CNNM2: variants seen among roughly 807,000 people sequenced by gnomAD.
The protein encoded by CNNM2 is cyclin and CBS domain divalent metal cation transport mediator 2.
In CNNM2, 12 loss-of-function variants were observed where a neutral mutation model predicts 66.9. The observed-to-expected ratio is 0.18, with a 90% CI of 0.11 to 0.29. The LOEUF (loss-of-function observed/expected upper bound fraction) is 0.29, where lower values mean the gene tolerates loss of function less well. Ranked by LOEUF, CNNM2 falls within the 10% of genes least tolerant of loss-of-function variation. The pLI, the probability that CNNM2 is intolerant of heterozygous loss-of-function variation, is 1.00. For synonymous variants in CNNM2, 557 were observed against 501.8 expected, an observed-to-expected ratio of 1.11 and a Z score of -1.47; for missense variants, 705 against 1,167.7, an observed-to-expected ratio of 0.60 and a Z score of 5.77.
intron 1 of CNNM2, among the ~76,000 whole-genome samples, chr10:102,988,820 A>G (rs1394037685): frequency 6.6e-6 from 1 of 152,194 alleles, no homozygotes; most frequent in Non-Finnish European, 1.5e-5. Flanking sequence ...TGCTTTGATC[A>G]ATAAGTTTGT....
chr10:103,068,836 ACTT>A, intron 5 of CNNM2, 114 bp downstream of exon 5: 1 of 795,832 alleles, frequency 1.3e-6, no homozygotes, highest in Admixed American at 2.9e-5. Flanking sequence ...TCCTTTTTGA[ACTT>A]TTTTTTTGAA....
At chr10:103,031,860 A>C (rs1467573253) in intron 1 of CNNM2, among the ~76,000 whole-genome samples, 1 of 152,076 alleles carries the variant, frequency 6.6e-6, no homozygotes. Context: ...GAGGGGATTT[A>C]TCCCGTTGAT....
intron 1 of CNNM2, among the ~76,000 whole-genome samples, chr10:102,924,475 G>A (rs1845776208): frequency 6.6e-6 from 1 of 152,152 alleles, no homozygotes; most frequent in Non-Finnish European, 1.5e-5. Flanking sequence ...AGGAAAGAAT[G>A]CACTGTACAG....
chr10:103,064,435 C>T (rs780377566), intron 4 of CNNM2, among the ~76,000 whole-genome samples: 5 of 152,194 alleles, frequency 3.3e-5, no homozygotes, highest in Admixed American at 6.5e-5. Context: ...ACTATTTCGC[C>T]CAGGCTAGTC....
At chr10:103,032,024 C>T (rs575347653) in intron 1 of CNNM2, among the ~76,000 whole-genome samples, 1 of 152,348 alleles carries the variant, frequency 6.6e-6, no homozygotes, top group Admixed American at 6.5e-5. Flanking sequence ...GAACTAGTCA[C>T]TGCGGCAGTG....
Position 103,085,994 on chromosome 10 carries a change from C to T in CNNM2, c.*8814C>T, listed in dbSNP as rs1054376377. ...TGCTGTTTCTAGATACCTAGCAGCG[C>T]GAGAACTGTGTGACGTGCTGCGTTC... is the stretch of plus-strand genomic sequence containing the variant. On this transcript the variant is annotated 3_prime_UTR_variant, in exon 8 of 8. Transcript: ENST00000369878. 2 of 152,418 alleles carry T rather than the reference C, an allele frequency of 1.3e-5. No homozygotes were observed. Among genetic ancestry groups the T allele is most frequent in the South Asian group, 2.1e-4 (1 of 4,832 alleles). 9.4% of individuals were successfully genotyped at this position (152,418 alleles called of 1,614,324 possible). A position where few individuals can be genotyped will look rare whatever the true frequency, so the allele number is the denominator to read the frequency against.
intron 1 of CNNM2, among the ~76,000 whole-genome samples, chr10:103,015,027 A>C (rs1286479874): frequency 1.3e-5 from 2 of 152,256 alleles, no homozygotes; most frequent in Non-Finnish European, 2.9e-5. Context: ...TTAATAAGTC[A>C]AATAGTCTCT....
intron 1 of CNNM2, among the ~76,000 whole-genome samples, chr10:103,039,024 G>A (rs1051704733): frequency 6.6e-6 from 1 of 151,962 alleles, no homozygotes; most frequent in Non-Finnish European, 1.5e-5. Context: ...GATACACACA[G>A]TTTGTTTTTA....
At position 103,088,945 on chromosome 10, in the gene CNNM2, C is replaced by G. The variant is rs941052167; in HGVS notation, c.*11765C>G. The G allele has an allele frequency of 9.5e-6, 2 of 211,526 alleles. No homozygotes were observed. The highest frequency in any genetic ancestry group is 9.6e-6 in the Non-Finnish European group (1 of 104,266). 13.1% of individuals were successfully genotyped at this position (211,526 alleles called of 1,614,324 possible). ...GGCTTGTTCCTTTGTCCACTTGCAG[C>G]TAAATTCTTTCTATAGATTTATCAC... On this transcript the variant is annotated 3_prime_UTR_variant, in exon 8 of 8. Transcript: ENST00000369878.
At chr10:103,035,122 A>G (rs983877734) in intron 1 of CNNM2, among the ~76,000 whole-genome samples, 1 of 152,132 alleles carries the variant, frequency 6.6e-6, no homozygotes, top group Non-Finnish European at 1.5e-5. Flanking sequence ...GTGTCTTGAA[A>G]AATAAAAAAT....
chr10:103,070,682 T>A (rs2065563159), intron 5 of CNNM2, among the ~76,000 whole-genome samples: 1 of 152,240 alleles, frequency 6.6e-6, no homozygotes, highest in African/African-American at 2.4e-5. Flanking sequence ...CCTCTGAGTC[T>A]GGAACTGCTA....
intron 1 of CNNM2, among the ~76,000 whole-genome samples, chr10:102,991,127 C>T (rs989754631): frequency 5.3e-5 from 8 of 152,166 alleles, no homozygotes; most frequent in Non-Finnish European, 8.8e-5. Context: ...GCTGGGATTA[C>T]AGGCGTGTGC....
At chr10:103,014,973 C>T (rs1347428864) in intron 1 of CNNM2, among the ~76,000 whole-genome samples, 1 of 152,082 alleles carries the variant, frequency 6.6e-6, no homozygotes, top group East Asian at 1.9e-4. Flanking sequence ...TATCTGATAT[C>T]CCCAGGCACT....
Position 103,022,261 on chromosome 10 carries a change from C to T in CNNM2, c.1622-27446C>T, listed in dbSNP as rs1293449767. On this transcript the variant is annotated intron_variant, in intron 1 of 7. Coordinates refer to ENST00000369878, the MANE Select transcript of CNNM2 (RefSeq NM_017649.5). ...AATAGAAGGTTCTTAGTAAGTTAGTCATTATTTCATATGCCAAGCATTGTG... is the reference window on the plus strand; with the variant it reads ...AATAGAAGGTTCTTAGTAAGTTAGTTATTATTTCATATGCCAAGCATTGTG... 2.0e-5 allele frequency among the ~76,000 whole-genome samples: 3 copies of T among 152,162 alleles called. No individual in the cohort carries two copies. In the East Asian group the frequency reaches 5.8e-4, roughly 29 times the overall value.
rs1429914172 is a variant in CNNM2, at chr10:103,084,318, C to G, written c.*7138C>G. 1 of 152,190 alleles carries G rather than the reference C, an allele frequency of 6.6e-6. No homozygotes were observed. The highest frequency in any genetic ancestry group is 1.5e-5 in the Non-Finnish European group (1 of 68,034). The allele number at this position is 152,190 out of a possible 1,614,324, so 9.4% of individuals were successfully genotyped here. On this transcript the variant is annotated 3_prime_UTR_variant, in exon 8 of 8. Coordinates refer to ENST00000369878, the MANE Select transcript of CNNM2 (RefSeq NM_017649.5). ...TGGATGGAGACATTTCAGGGAAGAA[C>G]TGCTGACAGAATTGGCTTTCAGACA...
At chr10:102,999,642 C>T (rs779727393) in intron 1 of CNNM2, among the ~76,000 whole-genome samples, 2 of 152,006 alleles carry the variant, frequency 1.3e-5, no homozygotes, top group Non-Finnish European at 2.9e-5. Context: ...AAAATCCAGG[C>T]TGCCCTTCCC....
chr10:102,930,341 AGGGTG>A (rs1450000192), intron 1 of CNNM2, among the ~76,000 whole-genome samples: 1 of 152,200 alleles, frequency 6.6e-6, no homozygotes, highest in African/African-American at 2.4e-5. Context: ...TTGATGTATT[AGGGTG>A]GGGTGATCAT....
At chr10:102,983,931 A>C (rs1387108229) in intron 1 of CNNM2, among the ~76,000 whole-genome samples, 3 of 151,546 alleles carry the variant, frequency 2.0e-5, no homozygotes, top group Non-Finnish European at 2.9e-5. Context: ...CGCCTGGCTA[A>C]TTCTTGTATT....
rs577384380 is a variant in CNNM2 at position 103,084,990 on chromosome 10, C to G, written c.*7810C>G. 15 of 152,248 alleles carry G rather than the reference C, an allele frequency of 9.9e-5. No individual in the cohort carries two copies. In the South Asian group the frequency reaches 1.2e-3, roughly 13 times the overall value. The allele number at this position is 152,248 out of a possible 1,614,324, so 9.4% of individuals were successfully genotyped here. A position where few individuals can be genotyped will look rare whatever the true frequency, so the allele number is the denominator to read the frequency against. On this transcript the variant is annotated 3_prime_UTR_variant, in exon 8 of 8. Transcript: ENST00000369878. ...TATGGTGGTTTTGTCATTTTCCCTCCAAGGGCCTCATATCTGTGCTCTTAT... is the reference window on the plus strand; with the variant it reads ...TATGGTGGTTTTGTCATTTTCCCTCGAAGGGCCTCATATCTGTGCTCTTAT...
Sources: allele counts gnomAD v4.1 joint callset (sites outside exome capture counted in the v4.1 genomes callset), GRCh38; gene constraint gnomAD v4.1.1; transcripts MANE v1.5; gene names NCBI Gene and HGNC (gene_info 2026-07-23, HGNC 2026-07-21).